ADGRV1: variants seen among roughly 807,000 people sequenced by gnomAD.
ADGRV1 encodes G-protein coupled receptor 98.
Under a neutral mutation model 596.2 loss-of-function variants are expected in ADGRV1, and 359 were observed. The observed-to-expected ratio is 0.60, with a 90% CI of 0.55 to 0.66. The LOEUF is 0.66. Among genes scored for constraint, ADGRV1 ranks in the 30% least tolerant of loss-of-function variants. The pLI, the probability that ADGRV1 is intolerant of heterozygous loss-of-function variation, is 0.00. For missense variants in ADGRV1, 7,274 were observed against 7,575.6 expected, an observed-to-expected ratio of 0.96 and a Z score of 1.48; for synonymous variants, 2,681 against 2,679.2, an observed-to-expected ratio of 1.00 and a Z score of -0.02.
At chr5:90,754,012 A>G (rs895963908) in intron 54 of ADGRV1, among the ~76,000 whole-genome samples, 183 bp downstream of exon 54, 1 of 152,116 alleles carries the variant, frequency 6.6e-6, no homozygotes, top group African/African-American at 2.4e-5. Flanking sequence ...CCTAGCAGTA[A>G]TGTTATAGGA....
At chr5:90,568,576 T>C (rs754820848) in intron 1 of ADGRV1, among the ~76,000 whole-genome samples, 13 of 152,220 alleles carry the variant, frequency 8.5e-5, no homozygotes, top group Non-Finnish European at 1.8e-4. Flanking sequence ...TGATAAGATA[T>C]GTATTCTGCT....
At chr5:90,890,283 CTATTCTGCCCTG>C (rs1413662566) in intron 83 of ADGRV1, among the ~76,000 whole-genome samples, 4 of 151,272 alleles carry the variant, frequency 2.6e-5, no homozygotes, top group Admixed American at 1.3e-4. Flanking sequence ...ATTTGAAAGG[CTATTCTGCCCTG>C]TATAAAGGTC....
At chr5:90,675,490 C>T in intron 24 of ADGRV1, 45 bp downstream of exon 24, 1 of 1,511,150 alleles carries the variant, frequency 6.6e-7, no homozygotes, top group Non-Finnish European at 9.1e-7. Context: ...ACTTGTAAAA[C>T]AGACATAATC....
intron 83 of ADGRV1, among the ~76,000 whole-genome samples, chr5:90,940,234 CA>C (rs888844331): frequency 2.0e-4 from 31 of 152,282 alleles, no homozygotes; most frequent in Middle Eastern, 3.4e-3. Context: ...GTCTTGTAAC[CA>C]AAATATGAGT....
intron 42 of ADGRV1, among the ~76,000 whole-genome samples, chr5:90,713,340 CTTTT>C (rs540515777): frequency 7.4e-6 from 1 of 135,764 alleles, no homozygotes; most frequent in Non-Finnish European, 1.6e-5. Flanking sequence ...CCCCAGAAGC[CTTTT>C]TTTTTTTTTT....
chr5:91,159,030 C>T (rs1796722908), intron 89 of ADGRV1, among the ~76,000 whole-genome samples: 1 of 152,186 alleles, frequency 6.6e-6, no homozygotes, highest in Non-Finnish European at 1.5e-5. Flanking sequence ...TATTCAAGCA[C>T]ATACTAAAAT....
At chr5:91,061,952 A>C (rs1034388271) in intron 85 of ADGRV1, among the ~76,000 whole-genome samples, 11 of 152,190 alleles carry the variant, frequency 7.2e-5, no homozygotes, top group African/African-American at 2.4e-4. Flanking sequence ...AGGTAAATCC[A>C]CAAGAGTTAT....
intron 45 of ADGRV1, among the ~76,000 whole-genome samples, chr5:90,723,703 C>T (rs1051158197): frequency 1.3e-5 from 2 of 152,112 alleles, no homozygotes; most frequent in African/African-American, 4.8e-5. Context: ...ACATGTAAGG[C>T]ATTGACAAAT....
At chr5:90,597,552 C>G (rs1760849020) in intron 1 of ADGRV1, among the ~76,000 whole-genome samples, 2 of 152,112 alleles carry the variant, frequency 1.3e-5, no homozygotes, top group African/African-American at 2.4e-5. Flanking sequence ...CACTGGGAGA[C>G]TTTTACAGGG....
intron 48 of ADGRV1, 23 bp from the exon 49 acceptor site, chr5:90,728,635 CATAAAGGGTTT>C (rs1561611333): frequency 1.9e-6 from 3 of 1,569,798 alleles, no homozygotes; most frequent in Non-Finnish European, 2.6e-6. Context: ...AATTCCTAGT[CATAAAGGGTTT>C]TGTATTTCAA....
At chr5:90,742,786 C>T (rs1217437376) in intron 50 of ADGRV1, among the ~76,000 whole-genome samples, 2 of 152,130 alleles carry the variant, frequency 1.3e-5, no homozygotes, top group African/African-American at 4.8e-5. Context: ...TAGATTGATT[C>T]AGATGATGTC....
At chr5:90,653,068 A>G (rs150700391) in intron 19 of ADGRV1, 141 bp from the exon 20 acceptor site, 1 of 740,138 alleles carries the variant, frequency 1.4e-6, no homozygotes, top group East Asian at 2.7e-5. Context: ...GGTGAAAGCC[A>G]CATGGTGACA....
chr5:90,662,445 A>C (rs907530920), intron 21 of ADGRV1, among the ~76,000 whole-genome samples: 2 of 151,996 alleles, frequency 1.3e-5, no homozygotes, highest in Non-Finnish European at 2.9e-5. Flanking sequence ...CACCTACCTC[A>C]GCCTCCCAAA....
intron 1 of ADGRV1, among the ~76,000 whole-genome samples, chr5:90,607,302 G>A (rs150912145): frequency 1.4e-3 from 217 of 152,228 alleles, no homozygotes; most frequent in African/African-American, 3.8e-3. Flanking sequence ...TAAAACTTTG[G>A]TGGTGAGTGA....
intron 6 of ADGRV1, chr5:90,626,728 T>C (rs891375700): frequency 6.6e-6 from 1 of 152,464 alleles, no homozygotes; most frequent in African/African-American, 2.4e-5. Flanking sequence ...CATATATTGG[T>C]GTCACGTGTT....
chr5:90,682,700 C>T (rs1745104247), intron 27 of ADGRV1, among the ~76,000 whole-genome samples: 1 of 152,014 alleles, frequency 6.6e-6, no homozygotes, highest in South Asian at 2.1e-4. Context: ...ATAAAAAAAG[C>T]GTTAAGGGAA....
chr5:90,581,601 T>G (rs930326666), intron 1 of ADGRV1, among the ~76,000 whole-genome samples: 2 of 152,162 alleles, frequency 1.3e-5, no homozygotes, highest in Admixed American at 1.3e-4. Context: ...TGTTGCCTGA[T>G]CCTTCCTCTG....
intron 83 of ADGRV1, among the ~76,000 whole-genome samples, chr5:90,923,938 T>C (rs1267255187): frequency 6.6e-6 from 1 of 152,038 alleles, no homozygotes; most frequent in African/African-American, 2.4e-5. Flanking sequence ...ATTTCATCCA[T>C]GTCCCTACAA....
At chr5:90,688,469 C>T (rs1195632549) in intron 29 of ADGRV1, among the ~76,000 whole-genome samples, 1 of 152,094 alleles carries the variant, frequency 6.6e-6, no homozygotes, top group Non-Finnish European at 1.5e-5. Context: ...GATTCTCCTG[C>T]CTCAGCCTTC....
Sources: gnomAD v4.1 joint callset for allele counts (sites outside exome capture counted in the v4.1 genomes callset) on GRCh38, gnomAD v4.1.1 for gene constraint, MANE v1.5 for transcripts, NCBI Gene and HGNC (gene_info 2026-07-23, HGNC 2026-07-21) for gene names.